The following SMARCC1 variants were observed in gnomAD, a reference collection of about 807,000 sequenced individuals.
SMARCC1 encodes SWI/SNF complex subunit SMARCC1.
SMARCC1 carries 43 observed loss-of-function variants against 147.4 expected under a neutral mutation model. The observed-to-expected ratio is 0.29, with a 90% CI of 0.23 to 0.38. The LOEUF (loss-of-function observed/expected upper bound fraction) is 0.38, where lower values mean the gene tolerates loss of function less well. Among genes scored for constraint, SMARCC1 ranks in the 10% least tolerant of loss-of-function variants. SMARCC1 has a pLI of 1.00. For missense variants in SMARCC1, 1,119 were observed against 1,381.1 expected (o/e 0.81, Z 3.01); for synonymous variants, 495 against 484.4 (o/e 1.02, Z -0.29).
At chr3:47,643,355 G>A (rs770909129) in intron 21 of SMARCC1, among the ~76,000 whole-genome samples, 1 of 152,158 alleles carries the variant, frequency 6.6e-6, no homozygotes, top group Non-Finnish European at 1.5e-5. Flanking sequence ...GTACATGCAT[G>A]TGTAACACAG....
chr3:47,647,659 T>G (rs142279981), intron 21 of SMARCC1, among the ~76,000 whole-genome samples: 41 of 152,326 alleles, frequency 2.7e-4, no homozygotes, highest in Admixed American at 2.3e-3. Context: ...CTCAGAGATT[T>G]CTGTCTTGTC....
intron 5 of SMARCC1, among the ~76,000 whole-genome samples, chr3:47,731,405 A>AAG (rs1448518281): frequency 6.6e-6 from 1 of 152,144 alleles, no homozygotes. Context: ...TGAGGGTCAC[A>AAG]ATCCACGTCT....
intron 21 of SMARCC1, among the ~76,000 whole-genome samples, chr3:47,650,311 A>G (rs2033174623): frequency 6.8e-6 from 1 of 147,534 alleles, no homozygotes; most frequent in South Asian, 2.1e-4. Context: ...TATTATTATT[A>G]TTATTATTCA....
At chr3:47,749,629 C>T (rs533419615) in intron 2 of SMARCC1, among the ~76,000 whole-genome samples, 1 of 74,508 alleles carries the variant, frequency 1.3e-5, no homozygotes, top group Non-Finnish European at 3.3e-5. Context: ...ACCACACCAC[C>T]GCACTCCAGC....
At chr3:47,702,338 C>T (rs181682784) in intron 10 of SMARCC1, among the ~76,000 whole-genome samples, 5 of 149,638 alleles carry the variant, frequency 3.3e-5, no homozygotes, top group African/African-American at 9.8e-5. Context: ...GAGAGAAATA[C>T]GATAGAAGTA....
chr3:47,764,623 A>C (rs1269426970), intron 2 of SMARCC1, among the ~76,000 whole-genome samples: 1 of 152,136 alleles, frequency 6.6e-6, no homozygotes, highest in Non-Finnish European at 1.5e-5. Context: ...TCTCCAGCAC[A>C]GCAGCCCATA....
chr3:47,752,359 C>A (rs911260985), intron 2 of SMARCC1, among the ~76,000 whole-genome samples: 2 of 152,160 alleles, frequency 1.3e-5, no homozygotes, highest in Admixed American at 6.6e-5. Context: ...CCCATTCCAG[C>A]CCCATCCTAT....
intron 5 of SMARCC1, among the ~76,000 whole-genome samples, chr3:47,733,037 G>A (rs747178990): frequency 1.3e-5 from 2 of 151,246 alleles, no homozygotes; most frequent in African/African-American, 2.4e-5. Context: ...AACCCGGGAG[G>A]TGGAGGATGC....
chr3:47,758,866 AAT>A (rs1290689969), intron 2 of SMARCC1, among the ~76,000 whole-genome samples: 1 of 151,818 alleles, frequency 6.6e-6, no homozygotes, highest in African/African-American at 2.4e-5. Context: ...ACAAACACAA[AAT>A]TAGCCAGGCG....
At chr3:47,742,706 C>T (rs191870332) in intron 3 of SMARCC1, among the ~76,000 whole-genome samples, 3 of 152,252 alleles carry the variant, frequency 2.0e-5, no homozygotes, top group South Asian at 2.1e-4. Flanking sequence ...CCTCAGCATC[C>T]GGAGTAGCTG....
At chr3:47,742,918 A>G (rs1259376497) in intron 3 of SMARCC1, among the ~76,000 whole-genome samples, 1 of 152,166 alleles carries the variant, frequency 6.6e-6, no homozygotes, top group Non-Finnish European at 1.5e-5. Flanking sequence ...TCTCTTCACA[A>G]ATATGCTAGT....
chr3:47,733,359 A>G lies in SMARCC1; in HGVS notation c.576+2675T>C, dbSNP rs115927188. ...TTGGGAGGCCGAGGTAGCAGGGGGA[A>G]TCTCTTGAGGCCAGGAGCTTGAGGC... is the stretch of plus-strand genomic sequence containing the variant. On this transcript the variant is annotated intron_variant, in intron 5 of 27. Transcript: ENST00000254480. Among the ~76,000 whole-genome samples, 607 of 149,652 alleles carry G rather than the reference A, an allele frequency of 4.1e-3. 5 individuals carry two copies. The highest frequency in any genetic ancestry group is 0.014 in the African/African-American group (549 of 40,580).
At chr3:47,738,546 T>G (rs2106832102) in intron 3 of SMARCC1, among the ~76,000 whole-genome samples, 1 of 152,148 alleles carries the variant, frequency 6.6e-6, no homozygotes, top group Non-Finnish European at 1.5e-5. Flanking sequence ...CAACTGGGCA[T>G]GGTGGTGCAC....
At chr3:47,655,053 G>GAGC (rs771224486) in intron 21 of SMARCC1, among the ~76,000 whole-genome samples, 1 of 152,180 alleles carries the variant, frequency 6.6e-6, no homozygotes, top group Non-Finnish European at 1.5e-5. Context: ...AAAGTAGAGA[G>GAGC]AACAACAGGG....
chr3:47,599,820 T>C (rs2032356325), intron 26 of SMARCC1, among the ~76,000 whole-genome samples: 1 of 152,216 alleles, frequency 6.6e-6, no homozygotes, highest in Non-Finnish European at 1.5e-5. Context: ...AGAAATCAAC[T>C]ATTCAAGAAA....
chr3:47,593,594 T>G (rs1446097023), intron 26 of SMARCC1, among the ~76,000 whole-genome samples: 1 of 152,164 alleles, frequency 6.6e-6, no homozygotes, highest in East Asian at 1.9e-4. Flanking sequence ...AAACTGAATA[T>G]AGGTTAGAAG....
At chr3:47,717,767 A>T (rs2034174748) in intron 7 of SMARCC1, among the ~76,000 whole-genome samples, 1 of 152,038 alleles carries the variant, frequency 6.6e-6, no homozygotes, top group Non-Finnish European at 1.5e-5. Context: ...AGGTTTCACC[A>T]CGTTGCCCAA....
chr3:47,761,591 C>T (rs1291170002), intron 2 of SMARCC1, among the ~76,000 whole-genome samples: 1 of 152,102 alleles, frequency 6.6e-6, no homozygotes, highest in Non-Finnish European at 1.5e-5. Context: ...TGGATGATGA[C>T]AACTCAAGTG....
chr3:47,653,974 G>C (rs2033225826), intron 21 of SMARCC1, among the ~76,000 whole-genome samples: 1 of 152,124 alleles, frequency 6.6e-6, no homozygotes. Flanking sequence ...AATGAATCAG[G>C]AGAATCCAGC....
Sources: allele counts gnomAD v4.1 joint callset (sites outside exome capture counted in the v4.1 genomes callset), GRCh38; gene constraint gnomAD v4.1.1; transcripts MANE v1.5; gene names NCBI Gene and HGNC (gene_info 2026-07-23, HGNC 2026-07-21).